SORCS1: variants seen among roughly 807,000 people sequenced by gnomAD.
SORCS1 encodes the protein sortilin related VPS10 domain containing receptor 1.
SORCS1 carries 60 observed loss-of-function variants against 146.1 expected under a neutral mutation model. The ratio of observed to expected loss-of-function variants is 0.41; its 90% CI spans 0.33 to 0.51. The LOEUF (loss-of-function observed/expected upper bound fraction) is 0.51, where lower values mean the gene tolerates loss of function less well. SORCS1 is among the 20% of genes least tolerant of loss of function. SORCS1 has a pLI of 0.21. For missense variants in SORCS1, 1,352 were observed against 1,487.6 expected, an observed-to-expected ratio of 0.91 and a Z score of 1.50; for synonymous variants, 637 against 584.0, an observed-to-expected ratio of 1.09 and a Z score of -1.31.
chr10:106,815,672 TG>T (rs1371234237), intron 3 of SORCS1, among the ~76,000 whole-genome samples: 47 of 152,298 alleles, frequency 3.1e-4, no homozygotes, highest in Admixed American at 1.1e-3. Flanking sequence ...GTAGGATAAG[TG>T]AGATGCTATG....
intron 2 of SORCS1, among the ~76,000 whole-genome samples, chr10:106,946,885 G>C (rs569308080): frequency 5.3e-5 from 8 of 152,290 alleles, no homozygotes; most frequent in African/African-American, 1.9e-4. Context: ...GTAGGTCTAA[G>C]AGATGTTTGT....
chr10:106,933,306 A>C (rs1488325935), intron 2 of SORCS1, among the ~76,000 whole-genome samples: 1 of 152,204 alleles, frequency 6.6e-6, no homozygotes, highest in African/African-American at 2.4e-5. Context: ...TCCTGGGCTC[A>C]GTCCTAGAGA....
At chr10:107,139,526 G>A (rs569226500) in intron 1 of SORCS1, among the ~76,000 whole-genome samples, 1 of 152,256 alleles carries the variant, frequency 6.6e-6, no homozygotes, top group Admixed American at 6.5e-5. Flanking sequence ...GAGAGAGGGA[G>A]AGAAAGAGAA....
chr10:106,985,638 G>C (rs1956437846), intron 1 of SORCS1, among the ~76,000 whole-genome samples: 1 of 150,838 alleles, frequency 6.6e-6, no homozygotes. Context: ...CCGGGTTCAA[G>C]CGATTCTCCT....
intron 1 of SORCS1, among the ~76,000 whole-genome samples, chr10:107,127,327 A>AGTT (rs1966769308): frequency 6.6e-6 from 1 of 152,036 alleles, no homozygotes; most frequent in Admixed American, 6.6e-5. Flanking sequence ...TCAGCACCAT[A>AGTT]GTTGAAATTC....
At chr10:106,772,593 C>A (rs1025181356) in intron 4 of SORCS1, among the ~76,000 whole-genome samples, 2 of 151,958 alleles carry the variant, frequency 1.3e-5, no homozygotes, top group African/African-American at 2.4e-5. Flanking sequence ...ATTTCTCCTT[C>A]TAAGTAAAAA....
chr10:106,613,685 A>G (rs1847163348), intron 21 of SORCS1, among the ~76,000 whole-genome samples: 1 of 152,208 alleles, frequency 6.6e-6, no homozygotes, highest in South Asian at 2.1e-4. Flanking sequence ...GACTCAGATC[A>G]TATGGCTCCC....
intron 1 of SORCS1, among the ~76,000 whole-genome samples, chr10:107,031,341 C>A (rs1306065522): frequency 6.6e-6 from 1 of 151,956 alleles, no homozygotes; most frequent in Non-Finnish European, 1.5e-5. Flanking sequence ...ATTTCTAATG[C>A]ATTTTTTTCT....
chr10:106,589,315 G>A (rs540935234), intron 24 of SORCS1, among the ~76,000 whole-genome samples: 134 of 152,186 alleles, frequency 8.8e-4, no homozygotes, highest in Non-Finnish European at 1.5e-3. Context: ...TATTCTCATG[G>A]AAACCTTACC....
chr10:106,577,767 C>T (rs868282234), intron 25 of SORCS1: 1 of 907,842 alleles, frequency 1.1e-6, no homozygotes, highest in Non-Finnish European at 1.5e-6. Context: ...AATGAGTAGA[C>T]AGGGTGAATG....
chr10:106,685,692 G>A (rs1218076828), intron 10 of SORCS1, among the ~76,000 whole-genome samples: 2 of 152,160 alleles, frequency 1.3e-5, no homozygotes, highest in Non-Finnish European at 2.9e-5. Flanking sequence ...GGAAGAAGGG[G>A]AGGAGGGAGA....
chr10:106,987,698 G>T (rs370848551), intron 1 of SORCS1, among the ~76,000 whole-genome samples: 1 of 152,256 alleles, frequency 6.6e-6, no homozygotes, highest in Non-Finnish European at 1.5e-5. Flanking sequence ...TGCCCTCAAA[G>T]ATTTTTTTCT....
At chr10:106,931,990 G>C (rs544428690) in intron 2 of SORCS1, among the ~76,000 whole-genome samples, 14 of 152,278 alleles carry the variant, frequency 9.2e-5, no homozygotes, top group Non-Finnish European at 1.8e-4. Flanking sequence ...CATAACAGCA[G>C]TAATATTCAC....
chr10:106,870,231 T>C (rs1245291824), intron 2 of SORCS1, among the ~76,000 whole-genome samples: 1 of 152,162 alleles, frequency 6.6e-6, no homozygotes, highest in Non-Finnish European at 1.5e-5. Flanking sequence ...TGCTCATGGA[T>C]AGGAAGAATC....
chr10:106,745,853 C>T (rs949401215), intron 5 of SORCS1, among the ~76,000 whole-genome samples: 7 of 152,168 alleles, frequency 4.6e-5, no homozygotes, highest in Non-Finnish European at 1.5e-5. Context: ...TCAAAGTTAA[C>T]ATCATCAGTA....
intron 2 of SORCS1, among the ~76,000 whole-genome samples, chr10:106,843,116 A>C (rs532902154): frequency 4.6e-5 from 7 of 152,202 alleles, no homozygotes; most frequent in Non-Finnish European, 8.8e-5. Flanking sequence ...ATGCAGTGAG[A>C]ACACTTGAGT....
intron 1 of SORCS1, among the ~76,000 whole-genome samples, chr10:107,001,343 T>C (rs1256125538): frequency 2.6e-5 from 4 of 152,128 alleles, no homozygotes; most frequent in Admixed American, 6.5e-5. Context: ...CAGGGAAATG[T>C]AGGATGAGGC....
the SORCS1 span, among the ~76,000 whole-genome samples, chr10:107,174,946 T>A: frequency 1.9e-4 from 29 of 152,314 alleles, no homozygotes; most frequent in East Asian, 5.0e-3. Flanking sequence ...ATTAATTTTT[T>A]AAATTCCTAA....
the SORCS1 span, among the ~76,000 whole-genome samples, chr10:107,172,384 C>A: frequency 6.6e-6 from 1 of 152,220 alleles, no homozygotes; most frequent in East Asian, 1.9e-4. Flanking sequence ...AATTTATCCA[C>A]AGACTTTTAA....
Sources: allele counts gnomAD v4.1 joint callset (sites outside exome capture counted in the v4.1 genomes callset), GRCh38; gene constraint gnomAD v4.1.1; transcripts MANE v1.5; gene names NCBI Gene and HGNC (gene_info 2026-07-23, HGNC 2026-07-21).